VPS13B: variants seen among roughly 807,000 people sequenced by gnomAD.
VPS13B encodes the protein intermembrane lipid transfer protein VPS13B.
Under a neutral mutation model 426.4 loss-of-function variants are expected in VPS13B, and 285 were observed. That is an observed-to-expected ratio of 0.67 (90% CI 0.61 to 0.74). VPS13B has a LOEUF of 0.74. Among genes scored for constraint, VPS13B ranks in the 30% least tolerant of loss-of-function variants. The pLI is 0.00. For synonymous variants in VPS13B, 1,676 were observed against 1,676.4 expected (o/e 1.00, Z 0.01); for missense variants, 4,537 against 4,782.6 (o/e 0.95, Z 1.51).
chr8:99,835,096 C>T lies in VPS13B; in HGVS notation c.9615-101C>T, dbSNP rs565337494. 2.4e-4 allele frequency: 346 copies of T among 1,451,934 alleles called. 4 individuals carry two copies. The South Asian group carries it at 3.8e-3, about 16-fold the overall frequency. The allele number at this position is 1,451,934 out of a possible 1,614,324, so 89.9% of individuals were successfully genotyped here. A position where few individuals can be genotyped will look rare whatever the true frequency, so the allele number is the denominator to read the frequency against. ...CCCTGAGTTATAAAACAGATATTTT[C>T]GAGTTCTGAATGTTGCAAATCTAAA... On this transcript the variant is annotated intron_variant, in intron 52 of 61. Coordinates refer to ENST00000357162, the MANE Select transcript of VPS13B (RefSeq NM_152564.5).
chr8:99,870,998 T>C, intron 60 of VPS13B, 111 bp downstream of exon 60: 2 of 1,058,852 alleles, frequency 1.9e-6, no homozygotes, highest in Admixed American at 2.0e-5. Context: ...GGAGTAGCCA[T>C]TGTTGGCACT....
chr8:99,676,665 C>T (rs1403124311), intron 35 of VPS13B, among the ~76,000 whole-genome samples: 1 of 151,692 alleles, frequency 6.6e-6, no homozygotes, highest in African/African-American at 2.4e-5. Flanking sequence ...TGTGATCGCT[C>T]ACCTCATTTC....
At chr8:99,356,752 G>A (rs980615507) in intron 19 of VPS13B, among the ~76,000 whole-genome samples, 1 of 151,998 alleles carries the variant, frequency 6.6e-6, no homozygotes, top group African/African-American at 2.4e-5. Flanking sequence ...ACTATCCAAC[G>A]ATGGAAGTTA....
At chr8:99,798,155 T>A (rs868721306) in intron 43 of VPS13B, among the ~76,000 whole-genome samples, 6 of 150,654 alleles carry the variant, frequency 4.0e-5, no homozygotes, top group Middle Eastern at 3.4e-3. Flanking sequence ...TCCATTTGAG[T>A]ACCCAGGAAC....
chr8:99,030,592 G>C lies in VPS13B; in HGVS notation c.148-7831G>C, dbSNP rs567096779. On this transcript the variant is annotated intron_variant, in intron 2 of 61. Transcript: ENST00000357162. ...CTGTGACACTGAACTGGAATAAGCA[G>C]GTTGGAAAATGAATGATCACGTTAC... 2.6e-5 allele frequency among the ~76,000 whole-genome samples: 4 copies of C among 152,082 alleles called. No individual in the cohort carries two copies. The South Asian group carries it at 8.3e-4, about 32-fold the overall frequency.
At chr8:99,375,676 T>G (rs1342914722) in intron 19 of VPS13B, among the ~76,000 whole-genome samples, 2 of 152,248 alleles carry the variant, frequency 1.3e-5, no homozygotes, top group African/African-American at 4.8e-5. Flanking sequence ...TTCTTTCATT[T>G]ATTTTTCTTG....
At chr8:99,402,393 T>A (rs186335874) in intron 21 of VPS13B, among the ~76,000 whole-genome samples, 1 of 152,318 alleles carries the variant, frequency 6.6e-6, no homozygotes, top group Admixed American at 6.5e-5. Flanking sequence ...GTGATATGAC[T>A]TGCTGGCTAA....
chr8:99,130,813 T>C (rs750646107), intron 8 of VPS13B, among the ~76,000 whole-genome samples: 1 of 152,216 alleles, frequency 6.6e-6, no homozygotes, highest in Admixed American at 6.5e-5. Context: ...TTAAAATAGC[T>C]ACATTGTATA....
chr8:99,022,552 G>T (rs934220462), intron 2 of VPS13B, among the ~76,000 whole-genome samples: 1 of 152,018 alleles, frequency 6.6e-6, no homozygotes, highest in Non-Finnish European at 1.5e-5. Flanking sequence ...TGTTTCATGT[G>T]CAATTGATAA....
At chr8:99,167,210 G>A (rs1020584515) in intron 15 of VPS13B, among the ~76,000 whole-genome samples, 3 of 152,026 alleles carry the variant, frequency 2.0e-5, no homozygotes, top group African/African-American at 7.2e-5. Context: ...CTTTTCCCCT[G>A]AAGAGTTTTT....
At chr8:99,805,067 A>AAT (rs142498493) in intron 43 of VPS13B, among the ~76,000 whole-genome samples, 9,637 of 147,752 alleles carry the variant, frequency 0.065, 402 homozygotes, top group African/African-American at 0.12. Flanking sequence ...ATATTACCAG[A>AAT]ATATATATAT....
chr8:99,659,042 C>T (rs1359980818), intron 34 of VPS13B, among the ~76,000 whole-genome samples: 1 of 152,048 alleles, frequency 6.6e-6, no homozygotes, highest in African/African-American at 2.4e-5. Context: ...ACCATGTCAC[C>T]CAGGCTGATC....
At chr8:99,493,986 AATG>A (rs1820761450) in intron 25 of VPS13B, among the ~76,000 whole-genome samples, 1 of 152,018 alleles carries the variant, frequency 6.6e-6, no homozygotes, top group Non-Finnish European at 1.5e-5. Flanking sequence ...AATAATACTT[AATG>A]ATAAGATAAA....
At chr8:99,840,847 A>G (rs948481879) in intron 54 of VPS13B, among the ~76,000 whole-genome samples, 3 of 152,218 alleles carry the variant, frequency 2.0e-5, no homozygotes, top group African/African-American at 7.2e-5. Context: ...ATTTTTATAA[A>G]GAAAAAAAGT....
At chr8:99,816,285 A>G (rs546696383) in intron 44 of VPS13B, among the ~76,000 whole-genome samples, 2 of 152,132 alleles carry the variant, frequency 1.3e-5, no homozygotes, top group Admixed American at 1.3e-4. Context: ...TATTTTTAGT[A>G]GAGACAGGGT....
intron 16 of VPS13B, among the ~76,000 whole-genome samples, chr8:99,191,407 G>T (rs1813583841): frequency 1.8e-5 from 2 of 111,468 alleles, no homozygotes; most frequent in South Asian, 3.4e-4. Context: ...TTTTTGAGAC[G>T]GAGTCTGTCT....
chr8:99,523,371 A>G (rs1822477780), intron 30 of VPS13B, among the ~76,000 whole-genome samples: 1 of 152,220 alleles, frequency 6.6e-6, no homozygotes, highest in African/African-American at 2.4e-5. Flanking sequence ...GAGTGAACAC[A>G]GGCCATAGCC....
At chr8:99,265,939 G>A (rs953460824) in intron 17 of VPS13B, among the ~76,000 whole-genome samples, 11 of 151,944 alleles carry the variant, frequency 7.2e-5, no homozygotes, top group African/African-American at 2.4e-4. Flanking sequence ...TTTTATTTTC[G>A]TTTCTTTGTT....
chr8:99,134,575 C>T, intron 8 of VPS13B, 57 bp from the exon 9 acceptor site: 2 of 1,322,904 alleles, frequency 1.5e-6, no homozygotes, highest in East Asian at 2.4e-5. Flanking sequence ...ATCATAATGA[C>T]AATTTATTGC....
Sources: allele counts gnomAD v4.1 joint callset (sites outside exome capture counted in the v4.1 genomes callset), GRCh38; gene constraint gnomAD v4.1.1; transcripts MANE v1.5; gene names NCBI Gene and HGNC (gene_info 2026-07-23, HGNC 2026-07-21).